Variants in APPBP2 observed in about 807,000 individuals in gnomAD.
APPBP2 encodes amyloid beta precursor protein binding protein 2.
Under a neutral mutation model 76.0 loss-of-function variants are expected in APPBP2, and 15 were observed. That is an observed-to-expected ratio of 0.20 (90% CI 0.13 to 0.30). APPBP2 has a LOEUF of 0.30. Ranked by LOEUF, APPBP2 falls within the 10% of genes least tolerant of loss-of-function variation. APPBP2 has a pLI of 1.00. For missense variants in APPBP2, 401 were observed against 687.2 expected (o/e 0.58, Z 4.66); for synonymous variants, 222 against 242.2 (o/e 0.92, Z 0.77).
intron 12 of APPBP2, 117 bp downstream of exon 12, chr17:60,451,763 G>C: frequency 1.1e-6 from 1 of 894,750 alleles, no homozygotes; most frequent in Non-Finnish European, 1.7e-6. Context: ...ACAGGTATGA[G>C]CCACCGCACC....
chr17:60,516,139 GGAGGAA>G (rs561605376), intron 1 of APPBP2, among the ~76,000 whole-genome samples: 81 of 151,908 alleles, frequency 5.3e-4, no homozygotes, highest in Non-Finnish European at 1.0e-3. Flanking sequence ...CTCCTGCCTC[GGAGGAA>G]GAGTGAGACT....
chr17:60,495,769 T>C (rs1204457411), intron 2 of APPBP2, among the ~76,000 whole-genome samples: 1 of 152,112 alleles, frequency 6.6e-6, no homozygotes, highest in Non-Finnish European at 1.5e-5. Context: ...AGGGTTACCA[T>C]ATTATACACC....
In APPBP2 at chr17:60,446,311, A is replaced by G. The variant is rs2090346799; in HGVS notation, c.*1270T>C. 6.6e-6 allele frequency: 1 copy of G among 152,614 alleles called. No individual in the cohort carries two copies. The highest frequency in any genetic ancestry group is 6.5e-5 in the Admixed American group (1 of 15,280). 9.5% of individuals were successfully genotyped at this position (152,614 alleles called of 1,614,324 possible). On this transcript the variant is annotated 3_prime_UTR_variant, in exon 13 of 13. Coordinates refer to ENST00000083182, the MANE Select transcript of APPBP2 (RefSeq NM_006380.5). ...TTGATTATTACCTCATCATTAAATA[A>G]CCTGACTGGCTTACAAAAAATCAAA...
At chr17:60,492,626 T>C (rs558727332) in intron 3 of APPBP2, among the ~76,000 whole-genome samples, 3 of 152,330 alleles carry the variant, frequency 2.0e-5, no homozygotes, top group African/African-American at 7.2e-5. Flanking sequence ...ATTCCAGACT[T>C]GCATGGGGCC....
At chr17:60,490,616 A>T (rs1013865392) in intron 3 of APPBP2, among the ~76,000 whole-genome samples, 11 of 152,146 alleles carry the variant, frequency 7.2e-5, no homozygotes, top group African/African-American at 2.7e-4. Context: ...ACAGTGAGCT[A>T]TGATTGTTGA....
intron 3 of APPBP2, among the ~76,000 whole-genome samples, chr17:60,479,477 A>G (rs1396634956): frequency 1.3e-5 from 2 of 152,240 alleles, no homozygotes; most frequent in Non-Finnish European, 2.9e-5. Flanking sequence ...AAGACCTTGA[A>G]TAAGGAGTCA....
chr17:60,445,872 A>C lies in APPBP2; in HGVS notation c.*1709T>G, dbSNP rs552790192. On this transcript the variant is annotated 3_prime_UTR_variant, in exon 13 of 13. Transcript: ENST00000083182. Reference sequence around the variant, plus strand: ...TTCATCTCTTTCAGTACATCCCCCAACCAACCCCCTCCTAGGGAACTTAAA... The same window carrying C: ...TTCATCTCTTTCAGTACATCCCCCACCCAACCCCCTCCTAGGGAACTTAAA... 2.6e-5 allele frequency: 4 copies of C among 152,494 alleles called. No homozygotes were observed. Among genetic ancestry groups the C allele is most frequent in the South Asian group, 2.1e-4 (1 of 4,832 alleles). 9.4% of individuals were successfully genotyped at this position (152,494 alleles called of 1,614,324 possible).
At chr17:60,456,912 G>C (rs1567919029) in intron 9 of APPBP2, among the ~76,000 whole-genome samples, 1 of 151,962 alleles carries the variant, frequency 6.6e-6, no homozygotes, top group Non-Finnish European at 1.5e-5. Context: ...GAGGTGGGTG[G>C]ATCACCTGAG....
intron 9 of APPBP2, 148 bp downstream of exon 9, chr17:60,460,515 C>T: frequency 1.3e-6 from 1 of 759,890 alleles, no homozygotes. Context: ...ACATTTTAGG[C>T]ATTCTGATAA....
At chr17:60,464,560 T>C (rs1167375077) in intron 5 of APPBP2, among the ~76,000 whole-genome samples, 1 of 152,228 alleles carries the variant, frequency 6.6e-6, no homozygotes, top group Non-Finnish European at 1.5e-5. Flanking sequence ...TCCCAGCTAC[T>C]GTCCAAAGTA....
chr17:60,489,974 G>T (rs893053338), intron 3 of APPBP2, among the ~76,000 whole-genome samples: 1 of 152,184 alleles, frequency 6.6e-6, no homozygotes, highest in African/African-American at 2.4e-5. Context: ...GGCGGAAGTT[G>T]CAGTGAGCAA....
intron 1 of APPBP2, chr17:60,513,297 G>T: frequency 1.9e-6 from 1 of 521,896 alleles, no homozygotes; most frequent in Non-Finnish European, 3.6e-6. Context: ...ATGTATATTT[G>T]GGAAATATGG....
chr17:60,512,780 A>G (rs2090925193), intron 1 of APPBP2, among the ~76,000 whole-genome samples: 1 of 17,854 alleles, frequency 5.6e-5, no homozygotes, highest in South Asian at 2.6e-3. Context: ...GGTTGCAGTG[A>G]GCCGAGACTG....
chr17:60,505,118 T>A (rs192791199), intron 1 of APPBP2, among the ~76,000 whole-genome samples: 2 of 152,376 alleles, frequency 1.3e-5, no homozygotes, highest in African/African-American at 4.8e-5. Context: ...ATATATGGTA[T>A]AGGATTAATA....
chr17:60,478,259 A>T (rs2090605152), intron 4 of APPBP2, among the ~76,000 whole-genome samples: 3 of 152,138 alleles, frequency 2.0e-5, no homozygotes, highest in Non-Finnish European at 4.4e-5. Flanking sequence ...AGAAATGCCA[A>T]ATCAAATTGG....
Position 60,503,391 on chromosome 17 carries a change from A to AT in APPBP2, c.139-2905dup, listed in dbSNP as rs879353985. ...AAGTTTATCTAAAAAATGCAAAGTAATTTTTTTTTTTTTGAGACAGAGTTT... is the reference window on the plus strand; with the variant it reads ...AAGTTTATCTAAAAAATGCAAAGTAATTTTTTTTTTTTTTGAGACAGAGTTT... On this transcript the variant is annotated intron_variant, in intron 1 of 12. Transcript: ENST00000083182. 7.8e-4 allele frequency among the ~76,000 whole-genome samples: 106 copies of AT among 135,348 alleles called. 2 individuals carry two copies. The highest frequency in any genetic ancestry group is 3.8e-3 in the Middle Eastern group (1 of 266). The allele number at this position is 135,348 out of a possible 152,430, so 88.8% of individuals were successfully genotyped here.
chr17:60,500,302 C>T, intron 2 of APPBP2, 97 bp downstream of exon 2: 1 of 846,340 alleles, frequency 1.2e-6, no homozygotes, highest in Non-Finnish European at 1.8e-6. Flanking sequence ...CCACAGCACC[C>T]AGCCCACAAT....
chr17:60,468,376 AAAGAG>A (rs1050058314), intron 4 of APPBP2: 2 of 152,228 alleles, frequency 1.3e-5, no homozygotes, highest in African/African-American at 4.8e-5. Flanking sequence ...CAAATGGTTG[AAAGAG>A]AAAAAAATGA....
Position 60,447,840 on chromosome 17 carries a change from AC to A in APPBP2, c.1505-7del. On this transcript the variant is annotated splice_polypyrimidine_tract_variant and splice_region_variant and intron_variant, in intron 12 of 12. Coordinates refer to ENST00000083182, the MANE Select transcript of APPBP2 (RefSeq NM_006380.5). The stretch of plus-strand genomic sequence containing the variant: ...CTCACCAAAAAGTTTCTTCCCTGTA[AC>A]AAAAAAGAAAAAGGAAAAAAAAAAA... 6.4e-7 allele frequency: 1 copy of A among 1,557,364 alleles called. No individual in the cohort carries two copies.
Sources: allele counts gnomAD v4.1 joint callset (sites outside exome capture counted in the v4.1 genomes callset), GRCh38; gene constraint gnomAD v4.1.1; transcripts MANE v1.5; gene names NCBI Gene and HGNC (gene_info 2026-07-23, HGNC 2026-07-21).